The following NCKAP5 variants were observed in gnomAD, a reference collection of about 807,000 sequenced individuals.
The protein encoded by NCKAP5 is nck-associated protein 5.
NCKAP5 carries 92 observed loss-of-function variants against 167.0 expected under a neutral mutation model. The observed-to-expected ratio is 0.55, with a 90% CI of 0.47 to 0.66. The LOEUF is 0.66. Among genes scored for constraint, NCKAP5 ranks in the 30% least tolerant of loss-of-function variants. The pLI is 0.00. For synonymous variants in NCKAP5, 891 were observed against 877.4 expected (o/e 1.02, Z -0.27); for missense variants, 2,378 against 2,315.0 (o/e 1.03, Z -0.56).
At chr2:132,959,465 G>A (rs927011495) in intron 8 of NCKAP5, among the ~76,000 whole-genome samples, 6 of 152,182 alleles carry the variant, frequency 3.9e-5, no homozygotes, top group Non-Finnish European at 7.3e-5. Flanking sequence ...TATCAGAGAT[G>A]CCATGGGAGT....
intron 1 of NCKAP5, among the ~76,000 whole-genome samples, chr2:133,564,956 G>A (rs888741683): frequency 3.0e-4 from 46 of 152,328 alleles, no homozygotes; most frequent in African/African-American, 9.9e-4. Flanking sequence ...GCCCTCGTGA[G>A]ACACAGAGGC....
At chr2:132,729,863 C>T (rs1319460553) in intron 17 of NCKAP5, among the ~76,000 whole-genome samples, 1 of 152,184 alleles carries the variant, frequency 6.6e-6, no homozygotes, top group African/African-American at 2.4e-5. Flanking sequence ...TTTTCATCAG[C>T]ACTGTGAGTT....
At chr2:132,773,275 G>C (rs1682248711) in intron 16 of NCKAP5, among the ~76,000 whole-genome samples, 1 of 152,170 alleles carries the variant, frequency 6.6e-6, no homozygotes, top group Admixed American at 6.5e-5. Context: ...GTTCCTGCGT[G>C]CTGGGAACTT....
intron 4 of NCKAP5, among the ~76,000 whole-genome samples, chr2:133,274,273 A>G (rs2089639745): frequency 6.6e-6 from 1 of 151,982 alleles, no homozygotes; most frequent in Non-Finnish European, 1.5e-5. Context: ...TATACTTTTT[A>G]GGAGATCCCA....
In NCKAP5 at chr2:133,336,850, G is replaced by A. The variant is rs570168085; in HGVS notation, c.70-33740C>T. The stretch of plus-strand genomic sequence containing the variant: ...ATTTCATCTCCAAAAGTGACAGGGA[G>A]CAGGCTTCTGTTTGGCAGAGGTATA... On this transcript the variant is annotated intron_variant, in intron 3 of 19. Coordinates refer to ENST00000409261, the MANE Select transcript of NCKAP5 (RefSeq NM_207363.3). 5.9e-5 allele frequency among the ~76,000 whole-genome samples: 9 copies of A among 152,272 alleles called. 1 individual carries two copies. The South Asian group carries it at 1.9e-3, about 32-fold the overall frequency.
chr2:133,152,276 G>A (rs1407174017), intron 5 of NCKAP5, among the ~76,000 whole-genome samples: 1 of 152,128 alleles, frequency 6.6e-6, no homozygotes, highest in African/African-American at 2.4e-5. Context: ...AGGAATGTGA[G>A]CTTTACTTTA....
chr2:133,367,561 A>AAG (rs1559421927), intron 3 of NCKAP5, among the ~76,000 whole-genome samples: 2 of 152,206 alleles, frequency 1.3e-5, no homozygotes, highest in Non-Finnish European at 2.9e-5. Flanking sequence ...TACAAGGATT[A>AAG]TAGATCACAT....
At chr2:133,284,518 A>G (rs773453522) in intron 4 of NCKAP5, among the ~76,000 whole-genome samples, 2 of 152,226 alleles carry the variant, frequency 1.3e-5, no homozygotes, top group Non-Finnish European at 2.9e-5. Context: ...GCACGTGGCC[A>G]TGATGCACCG....
At chr2:132,957,875 GT>G (rs761071423) in intron 8 of NCKAP5, among the ~76,000 whole-genome samples, 8 of 152,076 alleles carry the variant, frequency 5.3e-5, no homozygotes, top group Non-Finnish European at 1.2e-4. Context: ...GCCTCACAGG[GT>G]TTCCACACTC....
chr2:133,582,519 T>A, the NCKAP5 span, among the ~76,000 whole-genome samples: 853 of 152,288 alleles, frequency 5.6e-3, 8 homozygotes, highest in Middle Eastern at 0.024. Flanking sequence ...AATTCCCTGC[T>A]TCTATACAAT....
intron 9 of NCKAP5, among the ~76,000 whole-genome samples, chr2:132,870,308 G>A (rs190909708): frequency 2.0e-5 from 3 of 152,146 alleles, no homozygotes; most frequent in South Asian, 2.1e-4. Context: ...CATGGCTACT[G>A]TTGATAAAAT....
chr2:132,878,134 A>G (rs1343540888), intron 9 of NCKAP5, among the ~76,000 whole-genome samples: 4 of 152,172 alleles, frequency 2.6e-5, no homozygotes, highest in Non-Finnish European at 5.9e-5. Flanking sequence ...GTGAGCCCTG[A>G]TGGTGTGAGG....
chr2:133,444,443 T>C (rs548857200), intron 3 of NCKAP5, among the ~76,000 whole-genome samples: 2 of 152,342 alleles, frequency 1.3e-5, no homozygotes, highest in African/African-American at 4.8e-5. Flanking sequence ...AAAAGATGTA[T>C]ACATCTTCTG....
the NCKAP5 span, among the ~76,000 whole-genome samples, chr2:133,640,879 T>C: frequency 5.9e-5 from 9 of 152,216 alleles, no homozygotes; most frequent in African/African-American, 7.2e-5. Context: ...TATTAGGCAC[T>C]AGGGATGTGA....
chr2:133,287,467 A>G (rs145012013), intron 4 of NCKAP5, among the ~76,000 whole-genome samples: 336 of 152,344 alleles, frequency 2.2e-3, no homozygotes, highest in African/African-American at 7.7e-3. Flanking sequence ...TCTAGAGGAT[A>G]TTGAAGATAC....
intron 3 of NCKAP5, among the ~76,000 whole-genome samples, chr2:133,353,963 A>G (rs955601896): frequency 6.6e-6 from 1 of 152,192 alleles, no homozygotes; most frequent in African/African-American, 2.4e-5. Flanking sequence ...CTGGCCCTCT[A>G]TCCCTGCAAA....
chr2:132,784,720 G>A lies in NCKAP5; in HGVS notation c.2091C>T (p.Ser697=), dbSNP rs770097668. 6.2e-7 allele frequency: 1 copy of A among 1,613,960 alleles called. No homozygotes were observed. The highest frequency in any genetic ancestry group is 8.5e-7 in the Non-Finnish European group (1 of 1,179,882). Residue 697 remains serine, a synonymous_variant, in exon 14 of 20, where the codon TCC becomes TCT. Coordinates refer to ENST00000409261, the MANE Select transcript of NCKAP5 (RefSeq NM_207363.3). ...TGGGTCCAGCAGGAGTTGAATTGATGGAAATCTCATTTCTGGTAACAGTGA... is the reference window on the plus strand; with the variant it reads ...TGGGTCCAGCAGGAGTTGAATTGATAGAAATCTCATTTCTGGTAACAGTGA... ...GVVTVTRNEI[S]INSTPAGPKA... is the part of the protein sequence containing the mutation.
chr2:133,470,679 AC>A (rs1421225567), intron 3 of NCKAP5, among the ~76,000 whole-genome samples: 7 of 151,406 alleles, frequency 4.6e-5, no homozygotes, highest in African/African-American at 1.7e-4. Context: ...TGGGCGTAGG[AC>A]CCTCCAAGCC....
At chr2:133,191,157 C>A (rs1012056763) in intron 5 of NCKAP5, among the ~76,000 whole-genome samples, 2 of 152,234 alleles carry the variant, frequency 1.3e-5, no homozygotes, top group South Asian at 2.1e-4. Flanking sequence ...ATGCAGCCAA[C>A]AGACACATGA....
Sources: allele counts gnomAD v4.1 joint callset (sites outside exome capture counted in the v4.1 genomes callset), GRCh38; gene constraint gnomAD v4.1.1; transcripts MANE v1.5; gene names NCBI Gene and HGNC (gene_info 2026-07-23, HGNC 2026-07-21).